Variants in ADGRL2 observed in about 807,000 individuals in gnomAD.
ADGRL2 encodes adhesion G protein-coupled receptor L2.
A neutral mutation model predicts 157.4 loss-of-function variants in ADGRL2; 44 were observed. That is an observed-to-expected ratio of 0.28 (90% confidence interval 0.22 to 0.36). The LOEUF (loss-of-function observed/expected upper bound fraction) is 0.36. Among genes scored for constraint, ADGRL2 ranks in the 10% least tolerant of loss-of-function variants. The pLI is 1.00. For synonymous variants in ADGRL2, 585 were observed against 624.7 expected (o/e 0.94, Z 0.95); for missense variants, 1,510 against 1,768.9 (o/e 0.85, Z 2.63).
intron 1 of ADGRL2, among the ~76,000 whole-genome samples, chr1:81,398,802 G>A (rs1252913686): frequency 6.6e-6 from 1 of 152,080 alleles, no homozygotes; most frequent in East Asian, 1.9e-4. Flanking sequence ...CAGATGACTT[G>A]ACACTTTTTT....
chr1:81,887,466 A>G (rs1475520116), intron 2 of ADGRL2, among the ~76,000 whole-genome samples: 1 of 152,230 alleles, frequency 6.6e-6, no homozygotes, highest in Admixed American at 6.5e-5. Flanking sequence ...ATCAGAGCAC[A>G]GTTTATATAA....
At position 81,861,211 on chromosome 1, in the gene ADGRL2, G is replaced by A. The variant is rs538007420; in HGVS notation, c.73+24154G>A. ...AATTTCTGTATTTTTAGTAAAGACG[G>A]GGTTTCACCACATTGGCCAGGCTGG... On this transcript the variant is annotated intron_variant, in intron 2 of 23. Transcript: ENST00000686636. Among the ~76,000 whole-genome samples, 45 of 152,048 alleles carry A rather than the reference G, an allele frequency of 3.0e-4. 1 individual carries two copies. The South Asian group carries it at 9.4e-3, about 32-fold the overall frequency.
chr1:81,957,435 A>T (rs983955240), intron 11 of ADGRL2, among the ~76,000 whole-genome samples: 3 of 152,222 alleles, frequency 2.0e-5, no homozygotes, highest in Admixed American at 2.0e-4. Context: ...ACAGTGGCTC[A>T]TGCCTATAAT....
At chr1:81,370,651 G>A (rs11163264) in intron 1 of ADGRL2, among the ~76,000 whole-genome samples, 46,940 of 151,922 alleles carry the variant, frequency 0.31, 8,369 homozygotes, top group East Asian at 0.65. Context: ...CCTGAAGACA[G>A]TTATAACTTA....
intron 1 of ADGRL2, among the ~76,000 whole-genome samples, chr1:81,744,612 A>T (rs546481522): frequency 1.7e-4 from 26 of 152,308 alleles, no homozygotes; most frequent in African/African-American, 6.3e-4. Context: ...AAGCTGAGAA[A>T]GATCTTAGTG....
chr1:81,418,745 C>A (rs2077076358), intron 1 of ADGRL2, among the ~76,000 whole-genome samples: 1 of 152,148 alleles, frequency 6.6e-6, no homozygotes, highest in Non-Finnish European at 1.5e-5. Context: ...CAGAGTGAGA[C>A]TCCATCTCAA....
chr1:81,317,974 T>C (rs1298805254), intron 1 of ADGRL2, among the ~76,000 whole-genome samples: 1 of 152,164 alleles, frequency 6.6e-6, no homozygotes, highest in African/African-American at 2.4e-5. Flanking sequence ...CATAAATGCA[T>C]ACACATAACC....
chr1:81,470,151 A>T (rs1266259203), intron 2 of ADGRL2, among the ~76,000 whole-genome samples: 1 of 152,236 alleles, frequency 6.6e-6, no homozygotes, highest in African/African-American at 2.4e-5. Context: ...ACTGCATCAG[A>T]ATCATCCAAA....
At chr1:81,725,073 C>T (rs2084471296) in intron 1 of ADGRL2, among the ~76,000 whole-genome samples, 1 of 150,866 alleles carries the variant, frequency 6.6e-6, no homozygotes, top group Non-Finnish European at 1.5e-5. Flanking sequence ...GGCATGGTGG[C>T]GGGTGCCTGT....
chr1:81,413,768 T>C (rs1257810018), intron 1 of ADGRL2, among the ~76,000 whole-genome samples: 1 of 152,236 alleles, frequency 6.6e-6, no homozygotes, highest in Admixed American at 6.5e-5. Flanking sequence ...TTTTATGTGA[T>C]AGACTATGTA....
Position 81,652,457 on chromosome 1 carries a change from G to T in ADGRL2, c.-143+71477G>T, listed in dbSNP as rs1254030574. 2.0e-5 allele frequency among the ~76,000 whole-genome samples: 3 copies of T among 151,920 alleles called. No homozygotes were observed. The East Asian group carries it at 5.8e-4, about 29-fold the overall frequency. On this transcript the variant is annotated intron_variant, in intron 3 of 24. Transcript: ENST00000370721. ...AACACCTGAACAATTAATGTAAAAAGAATAAACAATACAGAAGAATACTGA... is the reference window on the plus strand; with the variant it reads ...AACACCTGAACAATTAATGTAAAAATAATAAACAATACAGAAGAATACTGA...
intron 2 of ADGRL2, among the ~76,000 whole-genome samples, chr1:81,544,635 G>A (rs2079968815): frequency 6.6e-6 from 1 of 152,052 alleles, no homozygotes; most frequent in African/African-American, 2.4e-5. Flanking sequence ...CAATAATAAT[G>A]TCCTAATTAA....
At chr1:81,328,678 G>A (rs1315897814) in intron 1 of ADGRL2, among the ~76,000 whole-genome samples, 1 of 151,998 alleles carries the variant, frequency 6.6e-6, no homozygotes, top group African/African-American at 2.4e-5. Context: ...TGTAGAGAAC[G>A]TTCAGATACT....
At chr1:81,371,818 C>T (rs963081040) in intron 1 of ADGRL2, among the ~76,000 whole-genome samples, 4 of 152,238 alleles carry the variant, frequency 2.6e-5, no homozygotes, top group Admixed American at 2.6e-4. Flanking sequence ...CAATAAATTC[C>T]TATTGAACAA....
At chr1:81,814,292 A>C (rs1284960462) in intron 1 of ADGRL2, among the ~76,000 whole-genome samples, 4 of 151,634 alleles carry the variant, frequency 2.6e-5, no homozygotes, top group Non-Finnish European at 5.9e-5. Context: ...TTGTTCTTGC[A>C]TCTGTGTGAG....
intron 2 of ADGRL2, among the ~76,000 whole-genome samples, chr1:81,469,138 A>C (rs1037256751): frequency 1.2e-4 from 19 of 152,192 alleles, no homozygotes; most frequent in African/African-American, 4.6e-4. Context: ...TCTTTCAGAA[A>C]TTCTAAGACT....
intron 2 of ADGRL2, among the ~76,000 whole-genome samples, chr1:81,897,356 T>C (rs1327833609): frequency 1.3e-5 from 2 of 152,190 alleles, no homozygotes; most frequent in African/African-American, 4.8e-5. Context: ...TGTAACTATA[T>C]ACTGAGACTA....
chr1:81,987,426 A>G, intron 22 of ADGRL2: 1 of 842,638 alleles, frequency 1.2e-6, no homozygotes, highest in Non-Finnish European at 2.1e-6. Flanking sequence ...GCTAATGAAG[A>G]TAATTTGGAT....
intron 11 of ADGRL2, among the ~76,000 whole-genome samples, chr1:81,964,347 C>T (rs1421632113): frequency 2.0e-5 from 3 of 152,038 alleles, no homozygotes; most frequent in Non-Finnish European, 4.4e-5. Context: ...GAGGAAGAAT[C>T]AGTTACTTTA....
Sources: gnomAD v4.1 joint callset for allele counts (sites outside exome capture counted in the v4.1 genomes callset) on GRCh38, gnomAD v4.1.1 for gene constraint, MANE v1.5 for transcripts, NCBI Gene and HGNC (gene_info 2026-07-23, HGNC 2026-07-21) for gene names.